Variants in KLHL18 observed in about 807,000 individuals in gnomAD.
KLHL18 encodes the protein kelch-like protein 18.
In KLHL18, 38 loss-of-function variants were observed where a neutral mutation model predicts 58.5. The observed-to-expected ratio is 0.65, with a 90% CI of 0.50 to 0.85. The LOEUF is 0.85. Among genes scored for constraint, KLHL18 ranks in the 40% least tolerant of loss-of-function variants. The probability of loss-of-function intolerance (pLI) is 0.00; values close to 1 mark genes in which losing one functional copy is unlikely to be tolerated. For missense variants in KLHL18, 624 were observed against 778.4 expected, an observed-to-expected ratio of 0.80 and a Z score of 2.36; for synonymous variants, 303 against 301.9, an observed-to-expected ratio of 1.00 and a Z score of -0.04.
intron 1 of KLHL18, among the ~76,000 whole-genome samples, chr3:47,307,089 C>T (rs57759602): frequency 5.3e-5 from 8 of 151,508 alleles, no homozygotes; most frequent in Admixed American, 5.2e-4. Flanking sequence ...GTCTTTTTTT[C>T]GAGATGGAGT....
chr3:47,303,184 T>A (rs1158153198), intron 1 of KLHL18, among the ~76,000 whole-genome samples: 1 of 152,214 alleles, frequency 6.6e-6, no homozygotes, highest in Non-Finnish European at 1.5e-5. Context: ...GCTTTTTCTA[T>A]AACAATGATG....
chr3:47,301,115 T>A lies in KLHL18; in HGVS notation c.129+18021T>A, dbSNP rs1703015944. ...TGTTGAGTTTTTAGAGTTCTTTACA[T>A]ATTATAGATACAGATAGATCTTTGT... On this transcript the variant is annotated intron_variant, in intron 1 of 9. Coordinates refer to ENST00000232766, the MANE Select transcript of KLHL18 (RefSeq NM_025010.5). 2.0e-5 allele frequency among the ~76,000 whole-genome samples: 3 copies of A among 152,316 alleles called. No homozygotes were observed. In the South Asian group the frequency reaches 6.2e-4, roughly 32 times the overall value.
Position 47,344,948 on chromosome 3 carries a change from AG to A in KLHL18, c.*1009del, listed in dbSNP as rs5848829. The A allele has an allele frequency of 0.96, 146,284 of 152,520 alleles. 70,471 individuals carry two copies. The highest frequency in any genetic ancestry group is 1 in the East Asian group (5,168 of 5,168). 9.4% of individuals were successfully genotyped at this position (152,520 alleles called of 1,614,324 possible). On this transcript the variant is annotated 3_prime_UTR_variant, in exon 10 of 10. Transcript: ENST00000232766. Reference sequence around the variant, plus strand: ...TTTAAAATCATAGGCGTAGAGAGTTAGGCTATCTGCTGAATTACTGCCACTC... The same window carrying A: ...TTTAAAATCATAGGCGTAGAGAGTTAGCTATCTGCTGAATTACTGCCACTC...
intron 3 of KLHL18, among the ~76,000 whole-genome samples, chr3:47,329,096 T>A (rs1703790826): frequency 6.7e-6 from 1 of 149,818 alleles, no homozygotes; most frequent in Non-Finnish European, 1.5e-5. Flanking sequence ...GCTACTGCAC[T>A]CCAGCCTGGG....
intron 1 of KLHL18, among the ~76,000 whole-genome samples, chr3:47,284,809 G>GT (rs900908681): frequency 4.0e-5 from 6 of 151,622 alleles, no homozygotes; most frequent in African/African-American, 1.5e-4. Flanking sequence ...GTAAGCCTCG[G>GT]TTTTTTTGCT....
chr3:47,345,398 T>C lies in KLHL18; in HGVS notation c.*1457T>C, dbSNP rs1360688660. On this transcript the variant is annotated 3_prime_UTR_variant, in exon 10 of 10. Transcript: ENST00000232766. ...AGCTGGCTTTTATGACATAAAGAAC[T>C]AAAGGCCGAAAGAATCTCTTGCTGC... The C allele has an allele frequency of 6.6e-6, 1 of 152,636 alleles. No individual in the cohort carries two copies. The highest frequency in any genetic ancestry group is 1.5e-5 in the Non-Finnish European group (1 of 68,036). 9.5% of individuals were successfully genotyped at this position (152,636 alleles called of 1,614,324 possible).
chr3:47,295,208 A>C (rs1702871817), intron 1 of KLHL18, among the ~76,000 whole-genome samples: 1 of 152,232 alleles, frequency 6.6e-6, no homozygotes, highest in African/African-American at 2.4e-5. Flanking sequence ...GAAATCCACC[A>C]GTCACTGCTG....
At chr3:47,287,052 C>G (rs576368517) in intron 1 of KLHL18, among the ~76,000 whole-genome samples, 48 of 152,322 alleles carry the variant, frequency 3.2e-4, no homozygotes, top group Non-Finnish European at 5.6e-4. Context: ...TCCAGTGGTT[C>G]CATTTTGGAG....
At position 47,320,961 on chromosome 3, in the gene KLHL18, C is replaced by T. The variant is rs575270178; in HGVS notation, c.260+1178C>T. Among the ~76,000 whole-genome samples the T allele has an allele frequency of 9.9e-5, 15 of 152,228 alleles. 1 individual carries two copies. Among genetic ancestry groups the T allele is most frequent in the South Asian group, 8.3e-4 (4 of 4,822 alleles). On this transcript the variant is annotated intron_variant, in intron 2 of 9. Coordinates refer to ENST00000232766, the MANE Select transcript of KLHL18 (RefSeq NM_025010.5). Reference sequence around the variant, plus strand: ...TAGGCCAGTTACTTATGAGGAAAGACGTAGAAGTAAGGTGTCCAAGGGCAG... The same window carrying T: ...TAGGCCAGTTACTTATGAGGAAAGATGTAGAAGTAAGGTGTCCAAGGGCAG...
chr3:47,284,807 C>T (rs1036884751), intron 1 of KLHL18, among the ~76,000 whole-genome samples: 1 of 151,854 alleles, frequency 6.6e-6, no homozygotes, highest in Non-Finnish European at 1.5e-5. Flanking sequence ...CTGTAAGCCT[C>T]GGTTTTTTTG....
chr3:47,299,989 A>G (rs530107387), intron 1 of KLHL18, among the ~76,000 whole-genome samples: 1 of 151,960 alleles, frequency 6.6e-6, no homozygotes, highest in East Asian at 1.9e-4. Flanking sequence ...TGGATTTGCT[A>G]GCCTCCGCAA....
At chr3:47,309,612 G>A (rs1703243685) in intron 1 of KLHL18, among the ~76,000 whole-genome samples, 1 of 152,250 alleles carries the variant, frequency 6.6e-6, no homozygotes, top group South Asian at 2.1e-4. Flanking sequence ...GCCGGGCAGA[G>A]GCTGCAATCT....
In KLHL18 at chr3:47,346,493, T is replaced by C. The variant is rs1704228247; in HGVS notation, c.*2552T>C. 1 of 152,590 alleles carries C rather than the reference T, an allele frequency of 6.6e-6. No individual in the cohort carries two copies. The highest frequency in any genetic ancestry group is 1.5e-5 in the Non-Finnish European group (1 of 68,048). 9.5% of individuals were successfully genotyped at this position (152,590 alleles called of 1,614,324 possible). ...GAAAAGAAGCATCACCCAAGGATAT[T>C]GTAAAAAGGATGTAACAAGGAGATA... On this transcript the variant is annotated 3_prime_UTR_variant, in exon 10 of 10. Coordinates refer to ENST00000232766, the MANE Select transcript of KLHL18 (RefSeq NM_025010.5).
At chr3:47,283,872 G>A (rs1278337687) in intron 1 of KLHL18, among the ~76,000 whole-genome samples, 1 of 152,222 alleles carries the variant, frequency 6.6e-6, no homozygotes, top group Non-Finnish European at 1.5e-5. Context: ...CGTCCGGTTG[G>A]GGAGATGATC....
At position 47,330,108 on chromosome 3, in the gene KLHL18, C is replaced by G; in HGVS notation, c.559C>G (p.Leu187Val). Residue 187 changes from leucine to valine, a missense_variant, in exon 4 of 10, where the codon CTG becomes GTG. Physicochemically the swap from Leu to Val is conservative, Grantham distance 32 (BLOSUM62 1). Coordinates refer to ENST00000232766, the MANE Select transcript of KLHL18 (RefSeq NM_025010.5). ...CCTGCCCTTGGAAGACGTGCTTGAG[C>G]TGGTGTCTCGGGATGAGCTGAATGT... is the stretch of plus-strand genomic sequence containing the variant. ...LALPLEDVLELVSRDELNVKS... is the reference protein window; with the variant it reads ...LALPLEDVLEVVSRDELNVKS... 1 of 1,614,124 alleles carries G rather than the reference C, an allele frequency of 6.2e-7. No homozygotes were observed. Among genetic ancestry groups the G allele is most frequent in the Non-Finnish European group, 8.5e-7 (1 of 1,180,024 alleles).
intron 1 of KLHL18, chr3:47,297,447 C>T: frequency 2.5e-6 from 1 of 396,644 alleles, no homozygotes; most frequent in Non-Finnish European, 5.1e-6. Flanking sequence ...CACAAAGTAG[C>T]TAGTGTGGTC....
Position 47,343,884 on chromosome 3 carries a change from C to T in KLHL18, c.1668C>T (p.Pro556=). 1 of 1,614,158 alleles carries T rather than the reference C, an allele frequency of 6.2e-7. No homozygotes were observed. Among genetic ancestry groups the T allele is most frequent in the Non-Finnish European group, 8.5e-7 (1 of 1,180,024 alleles). ...PETDCWTFMA[P]MACHEGGVGV... The stretch of plus-strand genomic sequence containing the variant: ...CAGACTGCTGGACATTCATGGCCCC[C>T]ATGGCGTGCCATGAGGGAGGGGTCG... The change falls in exon 10 of 10, where the codon CCC becomes CCT. Residue 556 remains proline (P), a synonymous_variant. Coordinates refer to ENST00000232766, the MANE Select transcript of KLHL18 (RefSeq NM_025010.5).
chr3:47,312,243 T>A (rs1453837975), intron 1 of KLHL18, among the ~76,000 whole-genome samples: 1 of 151,796 alleles, frequency 6.6e-6, no homozygotes, highest in Non-Finnish European at 1.5e-5. Flanking sequence ...TATAGCTATT[T>A]TAGTGTAGAG....
intron 8 of KLHL18, 131 bp downstream of exon 8, chr3:47,340,807 T>C (rs752013894): frequency 5.8e-6 from 5 of 856,994 alleles, no homozygotes; most frequent in Non-Finnish European, 8.9e-6. Flanking sequence ...TATAGTACTT[T>C]GTATATACTA....
Sources: allele counts gnomAD v4.1 joint callset (sites outside exome capture counted in the v4.1 genomes callset), GRCh38; gene constraint gnomAD v4.1.1; transcripts MANE v1.5; gene names NCBI Gene and HGNC (gene_info 2026-07-23, HGNC 2026-07-21).